KCNH7: variants seen among roughly 807,000 people sequenced by gnomAD.
KCNH7 encodes the protein voltage-gated inwardly rectifying potassium channel KCNH7.
Under a neutral mutation model 120.8 loss-of-function variants are expected in KCNH7, and 49 were observed. The observed-to-expected ratio is 0.41, with a 90% CI of 0.32 to 0.51. KCNH7 has a LOEUF of 0.51. KCNH7 is among the 20% of genes least tolerant of loss of function. The probability of loss-of-function intolerance (pLI) is 0.38; values close to 1 mark genes in which losing one functional copy is unlikely to be tolerated. For missense variants in KCNH7, 1,097 were observed against 1,446.6 expected (o/e 0.76, Z 3.92); for synonymous variants, 547 against 516.1 (o/e 1.06, Z -0.81).
At chr2:162,668,047 C>T (rs1186679220) in intron 2 of KCNH7, among the ~76,000 whole-genome samples, 1 of 152,092 alleles carries the variant, frequency 6.6e-6, no homozygotes, top group African/African-American at 2.4e-5. Context: ...ATCAGAAAAA[C>T]TCTGTGATTA....
At chr2:162,526,320 A>C (rs140102437) in intron 3 of KCNH7, among the ~76,000 whole-genome samples, 342 of 152,038 alleles carry the variant, frequency 2.2e-3, no homozygotes, top group African/African-American at 8.1e-3. Context: ...AGTTTCGGGC[A>C]CTCATTGTCA....
chr2:162,727,937 G>T (rs1687586851), intron 2 of KCNH7, among the ~76,000 whole-genome samples: 1 of 152,078 alleles, frequency 6.6e-6, no homozygotes. Context: ...CAAAATATAT[G>T]CAAAAGCTAC....
intron 3 of KCNH7, among the ~76,000 whole-genome samples, chr2:162,524,400 T>C (rs530435489): frequency 6.6e-6 from 1 of 152,118 alleles, no homozygotes; most frequent in South Asian, 2.1e-4. Context: ...GGCAGCAGTG[T>C]ACCTGGAACA....
chr2:162,511,480 CAAAAAA>C (rs34204046), intron 5 of KCNH7, among the ~76,000 whole-genome samples: 2 of 95,986 alleles, frequency 2.1e-5, no homozygotes, highest in African/African-American at 3.8e-5. Flanking sequence ...GTGGACAGGT[CAAAAAA>C]AAAAAAAAAA....
At chr2:162,555,250 T>A (rs773438184) in intron 2 of KCNH7, among the ~76,000 whole-genome samples, 8 of 152,154 alleles carry the variant, frequency 5.3e-5, no homozygotes, top group Non-Finnish European at 1.2e-4. Flanking sequence ...CGGAAGTAAA[T>A]CCGTCCTTCC....
chr2:162,826,379 A>G lies in KCNH7; in HGVS notation c.307+10158T>C, dbSNP rs886407177. On this transcript the variant is annotated intron_variant, in intron 2 of 15. Transcript: ENST00000332142. ...AACTTGTGGATGTTCCATCAGAATCAGTCAACTGTGTTGGCATCAGGGATC... is the reference window on the plus strand; with the variant it reads ...AACTTGTGGATGTTCCATCAGAATCGGTCAACTGTGTTGGCATCAGGGATC... Among the ~76,000 whole-genome samples, 8 of 152,244 alleles carry G rather than the reference A, an allele frequency of 5.3e-5. No homozygotes were observed. In the East Asian group the frequency reaches 1.5e-3, roughly 29 times the overall value.
chr2:162,670,760 A>G (rs1050979230), intron 2 of KCNH7, among the ~76,000 whole-genome samples: 1 of 152,012 alleles, frequency 6.6e-6, no homozygotes, highest in African/African-American at 2.4e-5. Context: ...AAAAAACACA[A>G]GAAAGGTGGA....
At chr2:162,420,235 G>T (rs1472352793) in intron 9 of KCNH7, among the ~76,000 whole-genome samples, 1 of 152,024 alleles carries the variant, frequency 6.6e-6, no homozygotes, top group Non-Finnish European at 1.5e-5. Context: ...AATTAGCCAG[G>T]CGTGGTGGCA....
intron 2 of KCNH7, among the ~76,000 whole-genome samples, chr2:162,632,714 G>A (rs892002737): frequency 2.1e-4 from 32 of 151,798 alleles, no homozygotes; most frequent in Non-Finnish European, 4.0e-4. Flanking sequence ...TGTTGAATAA[G>A]CTTTATTTAA....
chr2:162,822,340 G>T (rs1559150090), intron 2 of KCNH7, among the ~76,000 whole-genome samples: 1 of 151,988 alleles, frequency 6.6e-6, no homozygotes, highest in Non-Finnish European at 1.5e-5. Context: ...ACCTGGAGCT[G>T]TTTTAAGTGC....
At chr2:162,638,268 G>C (rs755665938) in intron 2 of KCNH7, among the ~76,000 whole-genome samples, 1 of 152,018 alleles carries the variant, frequency 6.6e-6, no homozygotes, top group Non-Finnish European at 1.5e-5. Flanking sequence ...CCTTATATTG[G>C]TGCCCTTGGG....
chr2:162,616,083 A>G (rs1683131068), intron 2 of KCNH7, among the ~76,000 whole-genome samples: 1 of 152,192 alleles, frequency 6.6e-6, no homozygotes, highest in Non-Finnish European at 1.5e-5. Flanking sequence ...TTAAAATACC[A>G]AAGATTCTGA....
At chr2:162,656,036 ATTATTACTTTATGTGTCAAGCCCT>A (rs1559067103) in intron 2 of KCNH7, among the ~76,000 whole-genome samples, 2 of 152,206 alleles carry the variant, frequency 1.3e-5, no homozygotes, top group African/African-American at 2.4e-5. Context: ...ATCACTTAAA[ATTATTACTTTATGTGTCAAGCCCT>A]TCAAAAAGAT....
At chr2:162,431,580 A>C (rs1688070559) in intron 8 of KCNH7, among the ~76,000 whole-genome samples, 1 of 151,916 alleles carries the variant, frequency 6.6e-6, no homozygotes. Flanking sequence ...AGTACCTATA[A>C]AGTATTTCCT....
intron 2 of KCNH7, among the ~76,000 whole-genome samples, chr2:162,783,688 C>T (rs1332875247): frequency 1.3e-5 from 2 of 152,164 alleles, no homozygotes; most frequent in African/African-American, 4.8e-5. Context: ...TGAGACTAGA[C>T]TGATTAAATA....
At chr2:162,421,584 T>C (rs994718536) in intron 9 of KCNH7, among the ~76,000 whole-genome samples, 5 of 152,184 alleles carry the variant, frequency 3.3e-5, no homozygotes, top group African/African-American at 9.6e-5. Flanking sequence ...CTCCACAATT[T>C]ACACGATAAT....
chr2:162,738,926 T>C (rs908942268), intron 2 of KCNH7, among the ~76,000 whole-genome samples: 2 of 152,176 alleles, frequency 1.3e-5, no homozygotes, highest in Admixed American at 6.5e-5. Context: ...TCATGAAGTC[T>C]AAGTCAGACT....
intron 3 of KCNH7, among the ~76,000 whole-genome samples, chr2:162,527,102 C>T (rs758917392): frequency 3.3e-5 from 5 of 151,872 alleles, no homozygotes; most frequent in East Asian, 2.0e-4. Flanking sequence ...GAAATAGATA[C>T]GATGTTCAAA....
intron 2 of KCNH7, among the ~76,000 whole-genome samples, chr2:162,831,280 G>A (rs1685467873): frequency 2.0e-5 from 3 of 152,120 alleles, no homozygotes; most frequent in African/African-American, 7.2e-5. Context: ...TAAGCCATCA[G>A]CATAGGTGAT....
Sources: gnomAD v4.1 joint callset for allele counts (sites outside exome capture counted in the v4.1 genomes callset) on GRCh38, gnomAD v4.1.1 for gene constraint, MANE v1.5 for transcripts, NCBI Gene and HGNC (gene_info 2026-07-23, HGNC 2026-07-21) for gene names.